USH2A: variants seen among roughly 807,000 people sequenced by gnomAD.
USH2A encodes usherin, also known as Usher syndrome 2A (autosomal recessive, mild).
USH2A carries 443 observed loss-of-function variants against 538.9 expected under a neutral mutation model. The ratio of observed to expected loss-of-function variants is 0.82; its 90% CI spans 0.76 to 0.89. USH2A has a LOEUF of 0.89. Among genes scored for constraint, USH2A ranks in the 40% least tolerant of loss-of-function variants. The pLI, the probability that USH2A is intolerant of heterozygous loss-of-function variation, is 0.00. For synonymous variants in USH2A, 2,413 were observed against 2,273.5 expected (o/e 1.06, Z -1.75); for missense variants, 6,633 against 6,324.8 (o/e 1.05, Z -1.65).
rs376515799 is a variant in USH2A, at chr1:216,110,822, G to T, written c.4628-13609C>A. 3.3e-5 allele frequency among the ~76,000 whole-genome samples: 5 copies of T among 152,262 alleles called. 1 individual carries two copies. Among genetic ancestry groups the T allele is most frequent in the Admixed American group, 2.0e-4 (3 of 15,288 alleles). On this transcript the variant is annotated intron_variant, in intron 21 of 71. Coordinates refer to ENST00000307340, the MANE Select transcript of USH2A (RefSeq NM_206933.4). ...ACAAAGAAGTGAAGGGCATTACAGG[G>T]CATCAATAAATAAATGTTCATAGAA...
At chr1:216,190,442 C>A in intron 19 of USH2A, 75 bp from the exon 20 acceptor site, 2 of 1,542,106 alleles carry the variant, frequency 1.3e-6, no homozygotes, top group East Asian at 2.4e-5. Flanking sequence ...CCTTGGCAGT[C>A]AAAGTTCCAT....
intron 66 of USH2A, 63 bp from the exon 67 acceptor site, chr1:215,647,793 T>G: frequency 6.4e-7 from 1 of 1,570,442 alleles, no homozygotes; most frequent in Admixed American, 1.7e-5. Flanking sequence ...CTCTCTCTTT[T>G]AAAACCAGTT....
rs571486899 is a variant in USH2A at position 216,050,806 on chromosome 1, C to T, written c.6050-2159G>A. Among the ~76,000 whole-genome samples, 494 of 151,302 alleles carry T rather than the reference C, an allele frequency of 3.3e-3. 4 individuals carry two copies. The highest frequency in any genetic ancestry group is 0.011 in the African/African-American group (471 of 41,260). ...ATTTTTAGTAGAGATGGGGTTTCACCGTGTTAGCCAGGATGGTCTCGATCT... is the reference window on the plus strand; with the variant it reads ...ATTTTTAGTAGAGATGGGGTTTCACTGTGTTAGCCAGGATGGTCTCGATCT... On this transcript the variant is annotated intron_variant, in intron 30 of 71. Coordinates refer to ENST00000307340, the MANE Select transcript of USH2A (RefSeq NM_206933.4).
chr1:215,765,808 A>G (rs1422271609), intron 56 of USH2A, among the ~76,000 whole-genome samples: 1 of 152,156 alleles, frequency 6.6e-6, no homozygotes, highest in South Asian at 2.1e-4. Context: ...TGAACTGATC[A>G]TCTCATTCTT....
intron 56 of USH2A, among the ~76,000 whole-genome samples, chr1:215,763,829 C>T (rs893247369): frequency 6.6e-6 from 1 of 151,798 alleles, no homozygotes; most frequent in African/African-American, 2.4e-5. Flanking sequence ...TGAACTAAGG[C>T]AGTGTTAAAA....
intron 16 of USH2A, among the ~76,000 whole-genome samples, 155 bp from the exon 17 acceptor site, chr1:216,200,276 A>T (rs1283038775): frequency 6.6e-6 from 1 of 152,220 alleles, no homozygotes; most frequent in African/African-American, 2.4e-5. Flanking sequence ...AAATTGAAAT[A>T]ATGTAAATAC....
chr1:215,987,963 A>G (rs1207316157), intron 35 of USH2A, among the ~76,000 whole-genome samples: 1 of 152,054 alleles, frequency 6.6e-6, no homozygotes, highest in African/African-American at 2.4e-5. Context: ...TTAAACTAAC[A>G]CTGTTCTTAA....
At chr1:216,343,297 G>T (rs2038111207) in intron 4 of USH2A, among the ~76,000 whole-genome samples, 1 of 150,008 alleles carries the variant, frequency 6.7e-6, no homozygotes, top group South Asian at 2.1e-4. Context: ...GATGGTTCAT[G>T]CCTATGCTTT....
chr1:215,702,747 T>C (rs1399413220), intron 61 of USH2A, among the ~76,000 whole-genome samples: 2 of 152,030 alleles, frequency 1.3e-5, no homozygotes, highest in African/African-American at 4.8e-5. Flanking sequence ...TTCCTTGCAT[T>C]GGGTTAGAAC....
chr1:215,772,529 GT>G (rs1244330536), intron 55 of USH2A, among the ~76,000 whole-genome samples: 1 of 152,100 alleles, frequency 6.6e-6, no homozygotes, highest in Non-Finnish European at 1.5e-5. Flanking sequence ...ACACTTCCAA[GT>G]AACATTACTT....
At chr1:215,767,108 T>C (rs928574819) in intron 55 of USH2A, among the ~76,000 whole-genome samples, 13 of 152,206 alleles carry the variant, frequency 8.5e-5, no homozygotes, top group Admixed American at 8.5e-4. Context: ...GCACTCCGTC[T>C]CTCAAAGAGC....
intron 32 of USH2A, among the ~76,000 whole-genome samples, chr1:216,018,600 A>G (rs914805180): frequency 1.3e-5 from 2 of 152,216 alleles, no homozygotes; most frequent in African/African-American, 2.4e-5. Flanking sequence ...GACAAGGTAG[A>G]GAAAAGTAGA....
chr1:216,089,473 T>A (rs1028866934), intron 22 of USH2A, among the ~76,000 whole-genome samples: 1 of 152,096 alleles, frequency 6.6e-6, no homozygotes, highest in African/African-American at 2.4e-5. Flanking sequence ...TTTTAGACTT[T>A]AAGTTTCATG....
chr1:215,699,899 A>C (rs148293288), intron 61 of USH2A, among the ~76,000 whole-genome samples: 3,065 of 152,312 alleles, frequency 0.02, 101 homozygotes, highest in African/African-American at 0.07. Context: ...TTCCAAGGGA[A>C]TGCTTCCAGC....
At chr1:216,156,424 T>G (rs2102624991) in intron 21 of USH2A, among the ~76,000 whole-genome samples, 1 of 152,082 alleles carries the variant, frequency 6.6e-6, no homozygotes, top group Admixed American at 6.6e-5. Flanking sequence ...ATTTTTGGAC[T>G]TTGCAGGCTT....
chr1:216,024,211 A>G (rs1668910293), intron 32 of USH2A, among the ~76,000 whole-genome samples: 1 of 152,146 alleles, frequency 6.6e-6, no homozygotes, highest in Non-Finnish European at 1.5e-5. Flanking sequence ...ACAAAGAATT[A>G]GCAAGAGCTG....
At chr1:216,392,995 C>A (rs1443469546) in intron 3 of USH2A, among the ~76,000 whole-genome samples, 5 of 152,082 alleles carry the variant, frequency 3.3e-5, no homozygotes, top group Admixed American at 3.3e-4. Flanking sequence ...TCTTCTGTAA[C>A]CTCAAGATCT....
intron 27 of USH2A, 28 bp from the exon 28 acceptor site, chr1:216,073,328 C>G: frequency 6.5e-7 from 1 of 1,528,466 alleles, no homozygotes. Context: ...ATTAGTATCG[C>G]ATAAAGGGCT....
rs563503464 is a variant in USH2A, at chr1:216,036,976, C to T, written c.6325+9455G>A. 3.9e-5 allele frequency among the ~76,000 whole-genome samples: 6 copies of T among 152,154 alleles called. No individual in the cohort carries two copies. The East Asian group carries it at 1.2e-3, about 29-fold the overall frequency. ...AAATAAAAATATAACCTTTGTTTCT[C>T]AACATAAGCTCAATCAAGGTCAAGA... On this transcript the variant is annotated intron_variant, in intron 32 of 71. Transcript: ENST00000307340.
Sources: allele counts gnomAD v4.1 joint callset (sites outside exome capture counted in the v4.1 genomes callset), GRCh38; gene constraint gnomAD v4.1.1; transcripts MANE v1.5; gene names NCBI Gene and HGNC (gene_info 2026-07-23, HGNC 2026-07-21).